The following NPRL3 variants were observed in gnomAD, a reference collection of about 807,000 sequenced individuals.
NPRL3 encodes NPR3 like, GATOR1 complex subunit, also known as GATOR1 complex protein NPRL3.
Under a neutral mutation model 57.2 loss-of-function variants are expected in NPRL3, and 23 were observed. The observed-to-expected ratio is 0.40, with a 90% CI of 0.29 to 0.57. The LOEUF (loss-of-function observed/expected upper bound fraction) is 0.57. Among genes scored for constraint, NPRL3 ranks in the 20% least tolerant of loss-of-function variants. The pLI is 0.42. For synonymous variants in NPRL3, 333 were observed against 321.1 expected (o/e 1.04, Z -0.39); for missense variants, 691 against 767.1 (o/e 0.90, Z 1.17).
At position 112,110 on chromosome 16, in the gene NPRL3, A is replaced by T. The variant is rs79340108; in HGVS notation, c.547+512T>A. 2.7e-3 allele frequency among the ~76,000 whole-genome samples: 417 copies of T among 152,326 alleles called. 15 individuals are homozygous for T. The East Asian group carries it at 0.075, about 27-fold the overall frequency. On this transcript the variant is annotated intron_variant, in intron 6 of 13. Transcript: ENST00000611875. The stretch of plus-strand genomic sequence containing the variant: ...CCACCTCACCAGCTGGATATTTCCA[A>T]CGCCCTCTCCTGCCCCAGGGAGTAA...
chr16:95,350 T>TATATACATACACACAC (rs1223611120), intron 9 of NPRL3, among the ~76,000 whole-genome samples: 1 of 110,990 alleles, frequency 9.0e-6, no homozygotes, highest in African/African-American at 3.7e-5. Flanking sequence ...TATATATATA[T>TATATACATACACACAC]ACACACACAC....
intron 2 of NPRL3, among the ~76,000 whole-genome samples, chr16:131,828 T>C (rs975092243): frequency 1.3e-5 from 2 of 152,142 alleles, no homozygotes; most frequent in African/African-American, 2.4e-5. Context: ...GTACGGGACG[T>C]TGACAGCACT....
At chr16:115,772 A>C (rs2077089) in intron 5 of NPRL3, among the ~76,000 whole-genome samples, 152,386 of 152,386 alleles carry the variant, frequency 1, 76,193 homozygotes, top group Non-Finnish European at 1. Context: ...AGGCGTAAGC[A>C]TTTGTGCTCG....
intron 9 of NPRL3, among the ~76,000 whole-genome samples, chr16:95,379 AC>A (rs1898961991): frequency 1.8e-4 from 26 of 141,772 alleles, no homozygotes; most frequent in African/African-American, 6.6e-4. Flanking sequence ...ACACACACAC[AC>A]ACACAATAAA....
At chr16:108,867 TC>T (rs1389924788) in intron 7 of NPRL3, among the ~76,000 whole-genome samples, 1 of 151,178 alleles carries the variant, frequency 6.6e-6, no homozygotes, top group African/African-American at 2.4e-5. Flanking sequence ...ACAGCGGGTT[TC>T]ACCATGTTAG....
intron 7 of NPRL3, among the ~76,000 whole-genome samples, chr16:104,885 A>G (rs909017021): frequency 5.3e-5 from 8 of 152,216 alleles, no homozygotes; most frequent in Non-Finnish European, 1.0e-4. Context: ...AGGGTAAGCC[A>G]GGAGCTGCAC....
At position 92,672 on chromosome 16, in the gene NPRL3, G is replaced by T. The variant is rs763923760; in HGVS notation, c.1085C>A (p.Pro362Gln). Residue 362 changes from proline (P) to glutamine (Q), a missense_variant, in exon 11 of 14, where the codon CCG (proline) becomes CAG (glutamine). By Grantham distance (76) the Pro-to-Gln change is moderately conservative. Transcript: ENST00000611875. ...CAAGGAGAACTTGGCAAGAACGGACGGCAGGTCATGAGATGGGAACTGGTG... is the reference window on the plus strand; with the variant it reads ...CAAGGAGAACTTGGCAAGAACGGACTGCAGGTCATGAGATGGGAACTGGTG... ...FSHQFPSHDL[P>Q]SVLAKFSLPV... 1 of 1,613,850 alleles carries T rather than the reference G, an allele frequency of 6.2e-7. No homozygotes were observed. Among genetic ancestry groups the T allele is most frequent in the Non-Finnish European group, 8.5e-7 (1 of 1,179,828 alleles).
rs901217513 is a variant in NPRL3, at chr16:86,532, G to A, written c.*173C>T. The A allele has an allele frequency of 9.4e-6, 6 of 638,434 alleles. No individual in the cohort carries two copies. Among genetic ancestry groups the A allele is most frequent in the African/African-American group, 7.3e-5 (4 of 54,652 alleles). 39.5% of individuals were successfully genotyped at this position (638,434 alleles called of 1,614,324 possible). A position where few individuals can be genotyped will look rare whatever the true frequency, so the allele number is the denominator to read the frequency against. On this transcript the variant is annotated 3_prime_UTR_variant, in exon 14 of 14. Coordinates refer to ENST00000611875, the MANE Select transcript of NPRL3 (RefSeq NM_001077350.3). The stretch of plus-strand genomic sequence containing the variant: ...AGCAGCCCCACAGCGGAACCACCAG[G>A]GGCAAGGACAGCGGGGCTCTGCAGG...
chr16:128,400 T>C (rs1006851303), intron 3 of NPRL3, among the ~76,000 whole-genome samples: 20 of 152,242 alleles, frequency 1.3e-4, no homozygotes, highest in African/African-American at 4.6e-4. Context: ...AGTCACTGTG[T>C]AGCCTGTTAA....
intron 8 of NPRL3, 86 bp from the exon 9 acceptor site, chr16:98,387 C>G: frequency 6.9e-7 from 1 of 1,439,810 alleles, no homozygotes. Context: ...AGGTATGCAC[C>G]GGGTATGCAC....
At chr16:133,552 T>G (rs1469991148) in intron 2 of NPRL3, among the ~76,000 whole-genome samples, 1 of 150,640 alleles carries the variant, frequency 6.6e-6, no homozygotes, top group Non-Finnish European at 1.5e-5. Context: ...TTGTTTGTTT[T>G]AAGAGTCAGG....
intron 12 of NPRL3, 154 bp downstream of exon 12, chr16:89,559 G>A: frequency 3.1e-6 from 2 of 641,592 alleles, no homozygotes; most frequent in East Asian, 3.3e-5. Flanking sequence ...GGAGACAGGA[G>A]AGGTGTCTCC....
At chr16:133,149 G>C (rs1011547719) in intron 2 of NPRL3, among the ~76,000 whole-genome samples, 4 of 152,206 alleles carry the variant, frequency 2.6e-5, no homozygotes, top group African/African-American at 9.6e-5. Context: ...TGGCTGGCCT[G>C]ATCTATCCAG....
At chr16:133,793 C>A (rs1170880133) in intron 2 of NPRL3, among the ~76,000 whole-genome samples, 2 of 152,188 alleles carry the variant, frequency 1.3e-5, no homozygotes, top group Non-Finnish European at 2.9e-5. Flanking sequence ...CTAATCATTT[C>A]TAGCTTTTGA....
intron 13 of NPRL3, among the ~76,000 whole-genome samples, chr16:87,396 G>A (rs1898526520): frequency 6.6e-6 from 1 of 151,702 alleles, no homozygotes; most frequent in Non-Finnish European, 1.5e-5. Flanking sequence ...ACCACACCTG[G>A]CTAATTTCTC....
chr16:127,288 G>T (rs896672077), intron 3 of NPRL3: 2 of 147,104 alleles, frequency 1.4e-5, no homozygotes, highest in African/African-American at 5.1e-5. Flanking sequence ...TGTCACTCAA[G>T]GCTCAGGCTG....
rs370803087 is a variant in NPRL3, at chr16:88,814, C to T, written c.1428G>A (p.Ser476=). 50 of 1,613,648 alleles carry T rather than the reference C, an allele frequency of 3.1e-5. No homozygotes were observed. Among genetic ancestry groups the T allele is most frequent in the South Asian group, 8.8e-5 (8 of 91,024 alleles). The change falls in exon 13 of 14, where the codon TCG becomes TCA. Residue 476 remains serine, a synonymous_variant. Transcript: ENST00000611875. ...SSAELLPSGD[S]PLNQRMTENL... ...TCTCCGTCATCCTCTGGTTCAGTGG[C>T]GAGTCCCCGCTGGGAAGTAGCTCTG...
At position 89,039 on chromosome 16, in the gene NPRL3, C is replaced by T. The variant is rs914901072; in HGVS notation, c.1352-149G>A. The T allele has an allele frequency of 7.0e-6, 5 of 718,452 alleles. No homozygotes were observed. The African/African-American group carries it at 8.8e-5, about 13-fold the overall frequency. 44.5% of individuals were successfully genotyped at this position (718,452 alleles called of 1,614,324 possible). A position where few individuals can be genotyped will look rare whatever the true frequency, so the allele number is the denominator to read the frequency against. On this transcript the variant is annotated intron_variant, in intron 12 of 13. Coordinates refer to ENST00000611875, the MANE Select transcript of NPRL3 (RefSeq NM_001077350.3). ...TGCCTGCAAGCATTCGCTGCTGCCC[C>T]ACCTCCTGGGTGTGACACGCCCCTC... is the stretch of plus-strand genomic sequence containing the variant.
intron 13 of NPRL3, among the ~76,000 whole-genome samples, chr16:87,760 C>T (rs937777023): frequency 2.7e-5 from 4 of 150,910 alleles, no homozygotes; most frequent in East Asian, 4.0e-4. Flanking sequence ...TTAGTAGAGA[C>T]GGGGTTTCAC....
Sources: allele counts gnomAD v4.1 joint callset (sites outside exome capture counted in the v4.1 genomes callset), GRCh38; gene constraint gnomAD v4.1.1; transcripts MANE v1.5; gene names NCBI Gene and HGNC (gene_info 2026-07-23, HGNC 2026-07-21).